PDGFRA: variants seen among roughly 807,000 people sequenced by gnomAD.
PDGFRA encodes platelet derived growth factor receptor alpha, also known as platelet-derived growth factor receptor alpha.
Under a neutral mutation model 121.5 loss-of-function variants are expected in PDGFRA, and 25 were observed. The observed-to-expected ratio is 0.21, with a 90% CI of 0.15 to 0.29. The LOEUF is 0.29. Ranked by LOEUF, PDGFRA falls within the 10% of genes least tolerant of loss-of-function variation. PDGFRA has a pLI of 1.00. For synonymous variants in PDGFRA, 463 were observed against 494.8 expected (o/e 0.94, Z 0.85); for missense variants, 1,008 against 1,345.1 (o/e 0.75, Z 3.92).
intron 1 of PDGFRA, chr4:54,230,297 G>C (rs1383771818): frequency 1.3e-5 from 2 of 152,742 alleles, no homozygotes; most frequent in Admixed American, 1.3e-4. Context: ...CGGCGCGGGC[G>C]GGCGGTCTGG....
chr4:54,269,505 AC>A, intron 7 of PDGFRA, among the ~76,000 whole-genome samples: 1 of 83,666 alleles, frequency 1.2e-5, no homozygotes, highest in African/African-American at 5.3e-5. Context: ...GCACATACAT[AC>A]ACACACACAC....
Position 54,274,637 on chromosome 4 carries a change from C to G in PDGFRA, c.1653+12C>G. On this transcript the variant is annotated intron_variant, in intron 11 of 22. Transcript: ENST00000257290. ...TCATTTGGAAACAGGTAGATATTTTCTCATAAAACTAAAGATCTTTGAAGC... is the reference window on the plus strand; with the variant it reads ...TCATTTGGAAACAGGTAGATATTTTGTCATAAAACTAAAGATCTTTGAAGC... 6.3e-7 allele frequency: 1 copy of G among 1,592,032 alleles called. No individual in the cohort carries two copies. The highest frequency in any genetic ancestry group is 8.6e-7 in the Non-Finnish European group (1 of 1,159,782).
chr4:54,238,276 C>CAAA (rs1307758088), intron 1 of PDGFRA, among the ~76,000 whole-genome samples: 1 of 152,156 alleles, frequency 6.6e-6, no homozygotes, highest in African/African-American at 2.4e-5. Flanking sequence ...TAGGCCCCAC[C>CAAA]AAAAACTTTG....
intron 1 of PDGFRA, among the ~76,000 whole-genome samples, chr4:54,246,026 T>C (rs745386783): frequency 6.6e-6 from 1 of 152,158 alleles, no homozygotes; most frequent in African/African-American, 2.4e-5. Flanking sequence ...ATCCTAAATA[T>C]ATATGCACCC....
At chr4:54,294,858 G>A (rs1724799142) in intron 22 of PDGFRA, among the ~76,000 whole-genome samples, 1 of 152,212 alleles carries the variant, frequency 6.6e-6, no homozygotes, top group Admixed American at 6.5e-5. Context: ...CTAGGATTGA[G>A]TAGGGAAAGT....
chr4:54,253,846 G>A (rs1722201552), intron 1 of PDGFRA, among the ~76,000 whole-genome samples: 4 of 151,932 alleles, frequency 2.6e-5, no homozygotes, highest in Non-Finnish European at 1.5e-5. Flanking sequence ...CACCATGCCC[G>A]GCTAATGTTT....
At chr4:54,243,072 G>A (rs1442637290) in intron 1 of PDGFRA, among the ~76,000 whole-genome samples, 1 of 151,856 alleles carries the variant, frequency 6.6e-6, no homozygotes, top group African/African-American at 2.4e-5. Flanking sequence ...ACATTTAAAT[G>A]AAAAAAAAGC....
chr4:54,273,350 G>C (rs537649405), intron 9 of PDGFRA, among the ~76,000 whole-genome samples, 187 bp from the exon 10 acceptor site: 1 of 152,300 alleles, frequency 6.6e-6, no homozygotes, highest in Admixed American at 6.5e-5. Flanking sequence ...TCATGTGTGA[G>C]TTATTCCCTC....
intron 5 of PDGFRA, 103 bp downstream of exon 5, chr4:54,265,152 CTCT>C: frequency 1.8e-6 from 2 of 1,126,960 alleles, no homozygotes; most frequent in Non-Finnish European, 2.7e-6. Context: ...CACTGAGTTT[CTCT>C]AGACCTTAGC....
chr4:54,249,177 T>C (rs1271269344), intron 1 of PDGFRA, among the ~76,000 whole-genome samples: 8 of 151,942 alleles, frequency 5.3e-5, no homozygotes, highest in Non-Finnish European at 1.2e-4. Context: ...GTAAACTATT[T>C]GGTTGGTGGG....
chr4:54,291,341 T>TA (rs1724622747), intron 22 of PDGFRA, among the ~76,000 whole-genome samples: 2 of 152,238 alleles, frequency 1.3e-5, no homozygotes, highest in African/African-American at 2.4e-5. Flanking sequence ...CAACAGTTAT[T>TA]AAAAATAACT....
intron 1 of PDGFRA, among the ~76,000 whole-genome samples, chr4:54,241,230 G>A (rs1469638723): frequency 1.3e-5 from 2 of 152,220 alleles, no homozygotes; most frequent in African/African-American, 4.8e-5. Context: ...ATAAAAACAA[G>A]TAGAAAGAAA....
intron 9 of PDGFRA, 119 bp from the exon 10 acceptor site, chr4:54,273,418 A>T (rs1243392691): frequency 2.6e-6 from 2 of 783,632 alleles, no homozygotes; most frequent in Non-Finnish European, 2.2e-6. Flanking sequence ...ATCAGTGTGT[A>T]TTGCCCCGAA....
At chr4:54,266,909 G>A (rs1168905525) in intron 5 of PDGFRA, among the ~76,000 whole-genome samples, 1 of 152,180 alleles carries the variant, frequency 6.6e-6, no homozygotes, top group African/African-American at 2.4e-5. Context: ...TTGAACCCAG[G>A]AGGTTGGGGC....
intron 1 of PDGFRA, among the ~76,000 whole-genome samples, chr4:54,237,561 A>G (rs1272169333): frequency 6.6e-6 from 1 of 152,186 alleles, no homozygotes; most frequent in Admixed American, 6.5e-5. Flanking sequence ...GGAGGCTGAT[A>G]TTTATATGTA....
intron 1 of PDGFRA, among the ~76,000 whole-genome samples, chr4:54,243,109 G>A (rs1350302388): frequency 6.6e-6 from 1 of 152,128 alleles, no homozygotes; most frequent in Non-Finnish European, 1.5e-5. Context: ...ACCTATGAAT[G>A]GAGGATGGGC....
intron 16 of PDGFRA, among the ~76,000 whole-genome samples, chr4:54,283,744 C>A (rs1445706519): frequency 1.3e-5 from 2 of 152,276 alleles, no homozygotes; most frequent in East Asian, 1.9e-4. Flanking sequence ...AATTTTCCAA[C>A]CTTTTATGCT....
Position 54,263,700 on chromosome 4 carries a change from C to A in PDGFRA, c.401C>A (p.Thr134Lys), listed in dbSNP as rs373126818. The A allele has an allele frequency of 6.2e-7, 1 of 1,613,722 alleles. No homozygotes were observed. Among genetic ancestry groups the A allele is most frequent in the Non-Finnish European group, 8.5e-7 (1 of 1,179,696 alleles). Residue 134 changes from threonine to lysine, a missense_variant, in exon 4 of 23, where the codon ACG (threonine) becomes AAG (lysine). Around this residue, in one of 5 missense-constraint regions of PDGFRA, gnomAD observed 575 missense variants for 701.8 expected, o/e 0.82. Coordinates refer to ENST00000257290, the MANE Select transcript of PDGFRA (RefSeq NM_006206.6). ...PDVAFVPLGM[T>K]DYLVIVEDDD... The stretch of plus-strand genomic sequence containing the variant: ...GTAGCCTTTGTACCTCTAGGAATGA[C>A]GGATTATTTAGTCATCGTGGAGGAT...
At chr4:54,262,886 G>T (rs1051866859) in intron 3 of PDGFRA, among the ~76,000 whole-genome samples, 2 of 152,174 alleles carry the variant, frequency 1.3e-5, no homozygotes, top group African/African-American at 4.8e-5. Flanking sequence ...AATTCTTCTT[G>T]TTCCAGCACA....
Sources: allele counts gnomAD v4.1 joint callset (sites outside exome capture counted in the v4.1 genomes callset), GRCh38; gene constraint gnomAD v4.1.1; regional missense constraint gnomAD v4.1.1; transcripts MANE v1.5; gene names NCBI Gene and HGNC (gene_info 2026-07-23, HGNC 2026-07-21).